WDR33: variants seen among roughly 807,000 people sequenced by gnomAD.
The protein encoded by WDR33 is pre-mRNA 3' end processing protein WDR33.
Under a neutral mutation model 164.9 loss-of-function variants are expected in WDR33, and 47 were observed. That is an observed-to-expected ratio of 0.29 (90% CI 0.23 to 0.36). The LOEUF (loss-of-function observed/expected upper bound fraction) is 0.36. Among genes scored for constraint, WDR33 ranks in the 10% least tolerant of loss-of-function variants. WDR33 has a pLI of 1.00. For missense variants in WDR33, 1,137 were observed against 1,754.1 expected, an observed-to-expected ratio of 0.65 and a Z score of 6.28; for synonymous variants, 505 against 589.0, an observed-to-expected ratio of 0.86 and a Z score of 2.06.
At chr2:127,754,481 C>T (rs748584259) in intron 7 of WDR33, among the ~76,000 whole-genome samples, 3 of 152,084 alleles carry the variant, frequency 2.0e-5, no homozygotes, top group East Asian at 1.9e-4. Flanking sequence ...TGCAGTGGCG[C>T]GATCTCGGCT....
chr2:127,725,231 C>T lies in WDR33; in HGVS notation c.852-16G>A, dbSNP rs764650697. The T allele has an allele frequency of 1.1e-5, 17 of 1,554,008 alleles. No homozygotes were observed. Among genetic ancestry groups the T allele is most frequent in the Non-Finnish European group, 1.5e-5 (17 of 1,155,066 alleles). On this transcript the variant is annotated splice_polypyrimidine_tract_variant and intron_variant, in intron 8 of 21. Coordinates refer to ENST00000322313, the MANE Select transcript of WDR33 (RefSeq NM_018383.5). ...ATGGGCATGACTAGAAACAAAGTAT[C>T]AAAAAAAAATGTCAGAATTCAAAAC...
chr2:127,742,639 G>A (rs566097091), intron 7 of WDR33, among the ~76,000 whole-genome samples: 1 of 150,396 alleles, frequency 6.6e-6, no homozygotes, highest in Admixed American at 6.6e-5. Flanking sequence ...CCAATACTTA[G>A]AGAAAGGGCA....
intron 1 of WDR33, among the ~76,000 whole-genome samples, chr2:127,777,618 T>C (rs1288154876): frequency 6.6e-6 from 1 of 152,222 alleles, no homozygotes; most frequent in Non-Finnish European, 1.5e-5. Flanking sequence ...CACAAGTCTA[T>C]ACCAACGTTA....
At chr2:127,788,095 C>G (rs1688665719) in intron 1 of WDR33, among the ~76,000 whole-genome samples, 3 of 93,714 alleles carry the variant, frequency 3.2e-5, no homozygotes, top group African/African-American at 5.4e-5. Context: ...CCCTCCCGGA[C>G]GGGGCGGCTG....
At chr2:127,809,363 C>T (rs539211556) in intron 1 of WDR33, among the ~76,000 whole-genome samples, 33 of 151,704 alleles carry the variant, frequency 2.2e-4, no homozygotes, top group African/African-American at 7.7e-4. Flanking sequence ...CCAAGTTAAG[C>T]CATCAGCTTC....
rs376855126 is a variant in WDR33 at position 127,713,802 on chromosome 2, C to T, written c.3089G>A (p.Arg1030His). 5.7e-5 allele frequency: 92 copies of T among 1,614,136 alleles called. No homozygotes were observed. The African/African-American group carries it at 8.0e-4, about 14-fold the overall frequency. The stretch of plus-strand genomic sequence containing the variant: ...AGGTCCTCCTCGCCCCTCAAATTCA[C>T]GTAACCGGTGGCCAAAGCGCTTGTC... ...HPDKRFGHRL[R>H]EFEGRGGPLP... is the part of the protein sequence containing the mutation. The change falls in exon 18 of 22, where the codon CGT (arginine) becomes CAT (histidine). Residue 1030 changes from arginine to histidine, a missense_variant. By Grantham distance (29) the Arg-to-His change is conservative (BLOSUM62 0). This residue lies in a region of WDR33 where 867 missense variants were observed against 1,073.0 expected (regional missense o/e 0.81). Coordinates refer to ENST00000322313, the MANE Select transcript of WDR33 (RefSeq NM_018383.5). This position sits in a 1 kb window ranked among gnomAD's most constrained non-coding sequence, Gnocchi z 6.2.
At chr2:127,774,258 G>A (rs1410583226) in intron 1 of WDR33, among the ~76,000 whole-genome samples, 1 of 150,814 alleles carries the variant, frequency 6.6e-6, no homozygotes, top group Middle Eastern at 3.3e-3. Flanking sequence ...CACCATGTTG[G>A]CCAGGCTGGT....
rs779647633 is a variant in WDR33, at chr2:127,719,008, T to C, written c.2760+257A>G. 2.6e-5 allele frequency among the ~76,000 whole-genome samples: 4 copies of C among 152,196 alleles called. No homozygotes were observed. The highest frequency in any genetic ancestry group is 5.9e-5 in the Non-Finnish European group (4 of 68,026). ...TACTCAAATGAGAGTTGACCTTTTC[T>C]GAAGAAACTCTATTACCAAAAAAAG... On this transcript the variant is annotated intron_variant, in intron 16 of 21. Transcript: ENST00000322313. This position sits in a 1 kb window ranked among gnomAD's most constrained non-coding sequence, Gnocchi z 6.5.
In WDR33 at chr2:127,719,589, T is replaced by A; in HGVS notation, c.2436A>T (p.Gly812=). The A allele has an allele frequency of 6.2e-7, 1 of 1,613,680 alleles. No individual in the cohort carries two copies. Among genetic ancestry groups the A allele is most frequent in the Non-Finnish European group, 8.5e-7 (1 of 1,179,894 alleles). The change falls in exon 16 of 22, where the codon GGA becomes GGT. Residue 812 remains glycine (G), a synonymous_variant. Transcript: ENST00000322313. The surrounding 1 kb of genome is among the most constrained non-coding windows in gnomAD (Gnocchi z 6.5). ...IMGHPPQEMR[G]PHPPGGLLGH... Reference sequence around the variant, plus strand: ...CCAGTAGTCCACCTGGAGGGTGAGGTCCTCTCATCTCTTGAGGCGGGTGGC... The same window carrying A: ...CCAGTAGTCCACCTGGAGGGTGAGGACCTCTCATCTCTTGAGGCGGGTGGC...
At chr2:127,767,713 TA>T (rs1276197028) in intron 4 of WDR33, among the ~76,000 whole-genome samples, 2 of 152,006 alleles carry the variant, frequency 1.3e-5, no homozygotes, top group Admixed American at 1.3e-4. Flanking sequence ...AGACTCTGTC[TA>T]AAAAAAATAA....
intron 1 of WDR33, among the ~76,000 whole-genome samples, chr2:127,789,522 A>C (rs1167519518): frequency 4.8e-5 from 7 of 146,676 alleles, no homozygotes; most frequent in African/African-American, 1.8e-4. Flanking sequence ...CAACACAGCG[A>C]AACCCCGTCT....
At chr2:127,769,040 G>A (rs6758186) in intron 2 of WDR33, 39 bp from the exon 3 acceptor site, 13,939 of 612,146 alleles carry the variant, frequency 0.023, 639 homozygotes, top group African/African-American at 0.19. Context: ...TAAATAAATA[G>A]ATCAATTAAT....
At position 127,717,024 on chromosome 2, in the gene WDR33, G is replaced by A. The variant is rs569870877; in HGVS notation, c.2869+131C>T. The A allele has an allele frequency of 3.1e-4, 281 of 892,892 alleles. No individual in the cohort carries two copies. In the South Asian group the frequency reaches 3.8e-3, roughly 12 times the overall value. The allele number at this position is 892,892 out of a possible 1,614,324, so 55.3% of individuals were successfully genotyped here. A position where few individuals can be genotyped will look rare whatever the true frequency, so the allele number is the denominator to read the frequency against. ...CCAAAGACAAAGCTCCTACCTGAAT[G>A]ACCACACCCTTATTTTGCCCAGAGG... On this transcript the variant is annotated intron_variant, in intron 17 of 21. Transcript: ENST00000322313. The surrounding 1 kb of genome is among the most constrained non-coding windows in gnomAD (Gnocchi z 5.6).
At position 127,719,234 on chromosome 2, in the gene WDR33, A is replaced by C; in HGVS notation, c.2760+31T>G. ...ACTTCTGTGCAGAGTGTATTTTCCC[A>C]ATGTGCCCGTGAGTTGGAAATGAAT... is the stretch of plus-strand genomic sequence containing the variant. On this transcript the variant is annotated intron_variant, in intron 16 of 21. Transcript: ENST00000322313. This position sits in a 1 kb window ranked among gnomAD's most constrained non-coding sequence, Gnocchi z 6.5. 5.7e-6 allele frequency: 8 copies of C among 1,393,980 alleles called. No homozygotes were observed. Among genetic ancestry groups the C allele is most frequent in the Non-Finnish European group, 7.4e-6 (8 of 1,074,884 alleles). 86.4% of individuals were successfully genotyped at this position (1,393,980 alleles called of 1,614,324 possible). A position where few individuals can be genotyped will look rare whatever the true frequency, so the allele number is the denominator to read the frequency against.
At position 127,765,264 on chromosome 2, in the gene WDR33, A is replaced by T; in HGVS notation, c.384T>A (p.Thr128=). 6.2e-7 allele frequency: 1 copy of T among 1,613,764 alleles called. No homozygotes were observed. ...VKCPVFVVRW[T]PEGRRLVTGA... is the part of the protein sequence containing the mutation. ...CAGTGACCAAGCGTCTTCCTTCTGGAGTCCACTAAGGGAGAAAAAAAGACA... is the reference window on the plus strand; with the variant it reads ...CAGTGACCAAGCGTCTTCCTTCTGGTGTCCACTAAGGGAGAAAAAAAGACA... The change falls in exon 5 of 22, where the codon ACT becomes ACA. Residue 128 remains threonine (T), a synonymous_variant. Transcript: ENST00000322313.
At chr2:127,782,446 T>C (rs1011060551) in intron 1 of WDR33, among the ~76,000 whole-genome samples, 2 of 152,068 alleles carry the variant, frequency 1.3e-5, no homozygotes, top group African/African-American at 2.4e-5. Flanking sequence ...AGATCAATTT[T>C]CATTAACCAA....
chr2:127,711,214 C>G (rs1686152310), intron 18 of WDR33, among the ~76,000 whole-genome samples: 1 of 152,092 alleles, frequency 6.6e-6, no homozygotes, highest in African/African-American at 2.4e-5. Flanking sequence ...CACTTGAGGC[C>G]AGGAGTTCGA....
chr2:127,763,350 G>A lies in WDR33; in HGVS notation c.627-191C>T. The A allele has an allele frequency of 7.1e-7, 1 of 1,406,464 alleles. No individual in the cohort carries two copies. Among genetic ancestry groups the A allele is most frequent in the South Asian group, 1.5e-5 (1 of 64,770 alleles). 87.1% of individuals were successfully genotyped at this position (1,406,464 alleles called of 1,614,324 possible). A position where few individuals can be genotyped will look rare whatever the true frequency, so the allele number is the denominator to read the frequency against. On this transcript the variant is annotated intron_variant, in intron 6 of 21. Transcript: ENST00000322313. The surrounding 1 kb of genome is among the most constrained non-coding windows in gnomAD (Gnocchi z 4.5). The stretch of plus-strand genomic sequence containing the variant: ...CTCATCAAAAGAAGACTTCAACAGA[G>A]CAGTTGTTTGAGTTTTCAATCATCA...
intron 1 of WDR33, among the ~76,000 whole-genome samples, chr2:127,784,188 A>T (rs1688478017): frequency 6.6e-6 from 1 of 152,128 alleles, no homozygotes; most frequent in Non-Finnish European, 1.5e-5. Flanking sequence ...TATGTTATTT[A>T]AGTATATGAA....
Sources: gnomAD v4.1 joint callset for allele counts (sites outside exome capture counted in the v4.1 genomes callset) on GRCh38, gnomAD v4.1.1 for gene constraint, gnomAD v4.1.1 regional missense constraint, Gnocchi (gnomAD v3.1) non-coding constraint, MANE v1.5 for transcripts, NCBI Gene and HGNC (gene_info 2026-07-23, HGNC 2026-07-21) for gene names.